ZNF385B: variants seen among roughly 807,000 people sequenced by gnomAD.
The protein encoded by ZNF385B is zinc finger protein 533.
A neutral mutation model predicts 39.2 loss-of-function variants in ZNF385B; 23 were observed. That is an observed-to-expected ratio of 0.59 (90% CI 0.42 to 0.83). The LOEUF is 0.83. Among genes scored for constraint, ZNF385B ranks in the 40% least tolerant of loss-of-function variants. ZNF385B has a pLI of 0.00. For synonymous variants in ZNF385B, 205 were observed against 222.6 expected, an observed-to-expected ratio of 0.92 and a Z score of 0.70; for missense variants, 552 against 598.9, an observed-to-expected ratio of 0.92 and a Z score of 0.82.
intron 5 of ZNF385B, among the ~76,000 whole-genome samples, chr2:179,507,250 A>G (rs1351941187): frequency 2.0e-5 from 3 of 152,208 alleles, no homozygotes; most frequent in Non-Finnish European, 4.4e-5. Flanking sequence ...CCAGATATGC[A>G]GACACACAAA....
At chr2:179,555,759 C>G (rs1327175735) in intron 3 of ZNF385B, among the ~76,000 whole-genome samples, 5 of 148,758 alleles carry the variant, frequency 3.4e-5, no homozygotes, top group Non-Finnish European at 1.5e-5. Flanking sequence ...AACACAGACT[C>G]TAGTGATGCC....
chr2:179,558,888 C>T (rs1321584281), intron 3 of ZNF385B, among the ~76,000 whole-genome samples: 4 of 152,102 alleles, frequency 2.6e-5, no homozygotes, highest in African/African-American at 9.7e-5. Context: ...CTGTTCCATC[C>T]CTATGGAAAC....
intron 3 of ZNF385B, among the ~76,000 whole-genome samples, chr2:179,633,180 G>T (rs1339265098): frequency 6.6e-6 from 1 of 152,120 alleles, no homozygotes. Flanking sequence ...AGAAAAAGAG[G>T]AAATCCTTCC....
intron 1 of ZNF385B, among the ~76,000 whole-genome samples, chr2:179,816,672 G>A (rs761525007): frequency 2.0e-5 from 3 of 152,066 alleles, no homozygotes; most frequent in Non-Finnish European, 4.4e-5. Flanking sequence ...TTTGTCCTAG[G>A]TACGGTTTCC....
At chr2:179,853,897 T>C (rs1684373905) in intron 1 of ZNF385B, among the ~76,000 whole-genome samples, 2 of 152,190 alleles carry the variant, frequency 1.3e-5, no homozygotes, top group South Asian at 4.1e-4. Context: ...ATCCACAAAA[T>C]ATGACTTCAG....
At chr2:179,468,775 T>G (rs577109744) in intron 6 of ZNF385B, among the ~76,000 whole-genome samples, 2 of 152,248 alleles carry the variant, frequency 1.3e-5, no homozygotes, top group South Asian at 4.1e-4. Flanking sequence ...GAGTCTTTCT[T>G]CATCTAGTCA....
rs759552513 is a variant in ZNF385B, at chr2:179,483,483, C to G, written c.553-49G>C. On this transcript the variant is annotated intron_variant, in intron 5 of 9. Transcript: ENST00000410066. The stretch of plus-strand genomic sequence containing the variant: ...TCATTTTTTTGCTAATTACAAACAC[C>G]ACAGTGGATGATCATGCAGGAGAAA... 3.7e-6 allele frequency: 6 copies of G among 1,608,710 alleles called. No individual in the cohort carries two copies. In the South Asian group the frequency reaches 5.5e-5, roughly 15 times the overall value.
intron 1 of ZNF385B, among the ~76,000 whole-genome samples, chr2:179,788,372 T>C (rs1012633371): frequency 6.6e-6 from 1 of 152,184 alleles, no homozygotes; most frequent in Non-Finnish European, 1.5e-5. Context: ...GTAACAAAGA[T>C]AGATTTAGAC....
In ZNF385B at chr2:179,550,517, T is replaced by C. The variant is rs1054908813; in HGVS notation, c.299-5548A>G. ...ATTAGCATAAAAAACTTAGCAGCTG[T>C]TTACCATTTCATTAGCATTTTAATG... On this transcript the variant is annotated intron_variant, in intron 3 of 9. Transcript: ENST00000410066. Among the ~76,000 whole-genome samples the C allele has an allele frequency of 4.7e-5, 7 of 149,764 alleles. 1 individual carries two copies. The highest frequency in any genetic ancestry group is 1.8e-4 in the African/African-American group (7 of 39,876).
At chr2:179,747,873 C>T (rs1419166372) in intron 3 of ZNF385B, among the ~76,000 whole-genome samples, 1 of 152,104 alleles carries the variant, frequency 6.6e-6, no homozygotes, top group Non-Finnish European at 1.5e-5. Context: ...CATTCTATAG[C>T]AAAACCTGTG....
At chr2:179,452,737 AC>A (rs1178168703) in intron 6 of ZNF385B, among the ~76,000 whole-genome samples, 1 of 152,160 alleles carries the variant, frequency 6.6e-6, no homozygotes, top group Non-Finnish European at 1.5e-5. Context: ...ATGAAGTCAG[AC>A]AAAAATTTTA....
intron 6 of ZNF385B, among the ~76,000 whole-genome samples, chr2:179,472,773 C>G (rs936864414): frequency 1.3e-5 from 2 of 152,096 alleles, no homozygotes; most frequent in African/African-American, 4.8e-5. Flanking sequence ...CCCTCCCTAG[C>G]CTTTTGGATC....
intron 4 of ZNF385B, among the ~76,000 whole-genome samples, chr2:179,533,085 A>G (rs953846068): frequency 2.6e-5 from 4 of 152,220 alleles, no homozygotes; most frequent in African/African-American, 7.2e-5. Context: ...AAGGTTCCCC[A>G]GATGCATAGC....
At chr2:179,756,298 A>G (rs1416243400) in intron 3 of ZNF385B, among the ~76,000 whole-genome samples, 1 of 152,196 alleles carries the variant, frequency 6.6e-6, no homozygotes, top group East Asian at 1.9e-4. Flanking sequence ...AAGAATGTCA[A>G]ATATTGGCAC....
At chr2:179,451,268 A>G (rs2050122685) in intron 6 of ZNF385B, among the ~76,000 whole-genome samples, 1 of 146,948 alleles carries the variant, frequency 6.8e-6, no homozygotes, top group Non-Finnish European at 1.5e-5. Flanking sequence ...AAAAAAAAAG[A>G]AAGAAAATGA....
At chr2:179,657,667 G>T (rs1315396629) in intron 3 of ZNF385B, among the ~76,000 whole-genome samples, 1 of 152,170 alleles carries the variant, frequency 6.6e-6, no homozygotes, top group Non-Finnish European at 1.5e-5. Flanking sequence ...AGCAATCCTA[G>T]AAAGTGTTGT....
intron 5 of ZNF385B, among the ~76,000 whole-genome samples, chr2:179,487,818 C>T (rs916597872): frequency 2.0e-5 from 3 of 152,186 alleles, no homozygotes; most frequent in African/African-American, 4.8e-5. Context: ...TAGAAAGAGT[C>T]GCCCAAACCA....
chr2:179,515,576 A>G (rs1277634224), intron 5 of ZNF385B, among the ~76,000 whole-genome samples: 1 of 152,216 alleles, frequency 6.6e-6, no homozygotes, highest in Non-Finnish European at 1.5e-5. Context: ...TAACTGAGCA[A>G]TACTGTAAAA....
At chr2:179,765,328 C>G (rs1266322685) in intron 3 of ZNF385B, among the ~76,000 whole-genome samples, 2 of 152,140 alleles carry the variant, frequency 1.3e-5, no homozygotes, top group East Asian at 3.8e-4. Context: ...AACTCCAACT[C>G]ATGTGATGAT....
Sources: allele counts gnomAD v4.1 joint callset (sites outside exome capture counted in the v4.1 genomes callset), GRCh38; gene constraint gnomAD v4.1.1; transcripts MANE v1.5; gene names NCBI Gene and HGNC (gene_info 2026-07-23, HGNC 2026-07-21).